The following CRYZ variants were observed in gnomAD, a reference collection of about 807,000 sequenced individuals.
The protein encoded by CRYZ is crystallin zeta, also known as zeta-crystallin.
Under a neutral mutation model 34.1 loss-of-function variants are expected in CRYZ, and 35 were observed. The ratio of observed to expected loss-of-function variants is 1.03; its 90% CI spans 0.78 to 1.36. The LOEUF (loss-of-function observed/expected upper bound fraction) is 1.36, where lower values mean the gene tolerates loss of function less well. Ranked by LOEUF, CRYZ falls within the 40% of genes most tolerant of loss-of-function variation. The probability of loss-of-function intolerance (pLI) is 0.00; values close to 1 mark genes in which losing one functional copy is unlikely to be tolerated. For synonymous variants in CRYZ, 137 were observed against 136.5 expected, an observed-to-expected ratio of 1.00 and a Z score of -0.03; for missense variants, 403 against 391.8, an observed-to-expected ratio of 1.03 and a Z score of -0.24.
At chr1:74,706,483 T>G in intron 8 of CRYZ, 26 bp from the exon 9 acceptor site, 1 of 1,584,916 alleles carries the variant, frequency 6.3e-7, no homozygotes, top group Middle Eastern at 1.7e-4. Flanking sequence ...ACAAATTTCT[T>G]TTTGTAGTGA....
At chr1:74,707,318 T>C in intron 6 of CRYZ, 114 bp from the exon 7 acceptor site, 1 of 626,088 alleles carries the variant, frequency 1.6e-6, no homozygotes, top group Non-Finnish European at 2.8e-6. Flanking sequence ...AAATGCTACA[T>C]CTTTGAGACT....
At position 74,714,565 on chromosome 1, in the gene CRYZ, A is replaced by G. The variant is rs1372628275; in HGVS notation, c.480+14T>C. 8 of 1,612,278 alleles carry G rather than the reference A, an allele frequency of 5.0e-6. No homozygotes were observed. The highest frequency in any genetic ancestry group is 1.7e-5 in the Admixed American group (1 of 59,926). The stretch of plus-strand genomic sequence containing the variant: ...CCCAAGCTTGTTTCAAAATACATTA[A>G]AAAAAATACTTACTCCTCCACTTGC... On this transcript the variant is annotated intron_variant, in intron 5 of 8. Transcript: ENST00000340866.
At chr1:74,709,432 C>G (rs1478151417) in intron 6 of CRYZ, among the ~76,000 whole-genome samples, 1 of 152,116 alleles carries the variant, frequency 6.6e-6, no homozygotes, top group African/African-American at 2.4e-5. Flanking sequence ...TAAACTCTCA[C>G]TCTTATTTTT....
In CRYZ at chr1:74,714,593, C is replaced by G; in HGVS notation, c.466G>C (p.Gly156Arg). The G allele has an allele frequency of 6.2e-7, 1 of 1,613,728 alleles. No homozygotes were observed. The change falls in exon 5 of 9, where the codon GGG (glycine) becomes CGG (arginine). Residue 156 changes from glycine to arginine, a missense_variant. By Grantham distance (125) the Gly-to-Arg change is moderately radical. Transcript: ENST00000340866. ...VKAGESVLVH[G>R]ASGGVGLAAC... is the part of the protein sequence containing the mutation. ...AAAATACTTACTCCTCCACTTGCCC[C>G]ATGAACCAGAACACTCTCTCCAGCT...
chr1:74,732,502 C>A (rs927631736), intron 1 of CRYZ, among the ~76,000 whole-genome samples: 5 of 151,128 alleles, frequency 3.3e-5, no homozygotes, highest in Non-Finnish European at 7.4e-5. Flanking sequence ...GAGAGCTGGG[C>A]TGTGGGAAGG....
intron 3 of CRYZ, among the ~76,000 whole-genome samples, chr1:74,722,215 G>A (rs1647175297): frequency 6.6e-6 from 1 of 151,914 alleles, no homozygotes; most frequent in African/African-American, 2.4e-5. Context: ...AGAAAGGAGG[G>A]GGAGAGGAGA....
chr1:74,706,792 C>G, intron 8 of CRYZ, 107 bp downstream of exon 8: 1 of 891,542 alleles, frequency 1.1e-6, no homozygotes, highest in Non-Finnish European at 1.9e-6. Context: ...CCAACTCCCA[C>G]TAGTCATATA....
intron 1 of CRYZ, among the ~76,000 whole-genome samples, chr1:74,727,006 C>G (rs1043837883): frequency 5.9e-5 from 9 of 152,040 alleles, no homozygotes. Flanking sequence ...GAGACCACCT[C>G]AGCCTGGACT....
chr1:74,723,635 C>T (rs1647205712), intron 2 of CRYZ, among the ~76,000 whole-genome samples: 1 of 152,120 alleles, frequency 6.6e-6, no homozygotes, highest in African/African-American at 2.4e-5. Context: ...GAGTTCTAGC[C>T]AATGGAATGT....
At chr1:74,708,311 T>C (rs1173951730) in intron 6 of CRYZ, 1 of 152,186 alleles carries the variant, frequency 6.6e-6, no homozygotes, top group Non-Finnish European at 1.5e-5. Flanking sequence ...TGTAGTTGTT[T>C]TGTTTTGTTT....
At chr1:74,723,397 T>A in intron 2 of CRYZ, 127 bp from the exon 3 acceptor site, 1 of 788,062 alleles carries the variant, frequency 1.3e-6, no homozygotes, top group Non-Finnish European at 2.0e-6. Context: ...AGTGCTTGCC[T>A]TCAACAAGCT....
chr1:74,729,079 C>T (rs771018762), intron 1 of CRYZ, among the ~76,000 whole-genome samples: 6 of 151,542 alleles, frequency 4.0e-5, no homozygotes, highest in Non-Finnish European at 7.4e-5. Context: ...AAAAAGGTAG[C>T]CCAGATGAGA....
intron 1 of CRYZ, among the ~76,000 whole-genome samples, chr1:74,731,780 C>A (rs1180607607): frequency 6.6e-6 from 1 of 152,196 alleles, no homozygotes; most frequent in Non-Finnish European, 1.5e-5. Flanking sequence ...TAGCTACGGA[C>A]AAGCATTCCA....
At chr1:74,710,543 T>C (rs1390223876) in intron 5 of CRYZ, among the ~76,000 whole-genome samples, 1 of 152,216 alleles carries the variant, frequency 6.6e-6, no homozygotes, top group Non-Finnish European at 1.5e-5. Flanking sequence ...AAATTATAAG[T>C]AATTTGGCCA....
chr1:74,706,866 A>C lies in CRYZ; in HGVS notation c.828+33T>G, dbSNP rs1166993468. The C allele has an allele frequency of 1.9e-6, 3 of 1,576,112 alleles. No individual in the cohort carries two copies. The Admixed American group carries it at 5.0e-5, about 26-fold the overall frequency. On this transcript the variant is annotated intron_variant, in intron 8 of 8. Transcript: ENST00000340866. ...AGTAGGCAAACTGTACCAATGTTTA[A>C]GTTACCAAAATCAGAAGTACTTCTT...
intron 6 of CRYZ, 105 bp from the exon 7 acceptor site, chr1:74,707,309 A>C (rs1446032994): frequency 7.5e-6 from 5 of 664,916 alleles, no homozygotes; most frequent in African/African-American, 1.9e-5. Flanking sequence ...ATGATATATA[A>C]ATGCTACATC....
rs534950314 is a variant in CRYZ, at chr1:74,729,477, A to C, written c.-14+3479T>G. Among the ~76,000 whole-genome samples, 381 of 93,002 alleles carry C rather than the reference A, an allele frequency of 4.1e-3. 1 individual carries two copies. Among genetic ancestry groups the C allele is most frequent in the Admixed American group, 8.2e-3 (58 of 7,058 alleles). 61.0% of individuals were successfully genotyped at this position (93,002 alleles called of 152,430 possible). A position where few individuals can be genotyped will look rare whatever the true frequency, so the allele number is the denominator to read the frequency against. ...GGCAACATGGCGAAATGCCATCTCT[A>C]CAAAAAAAAAAAAAAAAATTATCTA... On this transcript the variant is annotated intron_variant, in intron 1 of 8. Transcript: ENST00000340866.
In CRYZ at chr1:74,705,925, T is replaced by C. The variant is rs546856111; in HGVS notation, c.*371A>G. The C allele has an allele frequency of 2.5e-5, 4 of 161,406 alleles. No individual in the cohort carries two copies. The highest frequency in any genetic ancestry group is 7.2e-5 in the African/African-American group (3 of 41,796). The allele number at this position is 161,406 out of a possible 1,614,324, so 10.0% of individuals were successfully genotyped here. On this transcript the variant is annotated 3_prime_UTR_variant, in exon 9 of 9. Coordinates refer to ENST00000340866, the MANE Select transcript of CRYZ (RefSeq NM_001889.4). ...CTAATCAGAGACTAGAGAACCTTTA[T>C]AAAGGTAAGTAGGCTTGAAAACCCT...
chr1:74,707,989 T>A (rs1240700729), intron 6 of CRYZ: 17 of 152,038 alleles, frequency 1.1e-4, no homozygotes. Context: ...CATGGTCAGA[T>A]AAAGTTCCAC....
Sources: gnomAD v4.1 joint callset for allele counts (sites outside exome capture counted in the v4.1 genomes callset) on GRCh38, gnomAD v4.1.1 for gene constraint, MANE v1.5 for transcripts, NCBI Gene and HGNC (gene_info 2026-07-23, HGNC 2026-07-21) for gene names.